The following UBE2G1 variants were observed in gnomAD, a reference collection of about 807,000 sequenced individuals.
UBE2G1 encodes the protein ubiquitin conjugating enzyme E2 G1, also known as ubiquitin-conjugating enzyme E2 G1.
In UBE2G1, 5 loss-of-function variants were observed where a neutral mutation model predicts 22.7. The ratio of observed to expected loss-of-function variants is 0.22; its 90% CI spans 0.12 to 0.46. The LOEUF (loss-of-function observed/expected upper bound fraction) is 0.46. Ranked by LOEUF, UBE2G1 falls within the 20% of genes least tolerant of loss-of-function variation. UBE2G1 has a pLI of 0.99. For missense variants in UBE2G1, 88 were observed against 203.9 expected, an observed-to-expected ratio of 0.43 and a Z score of 3.46; for synonymous variants, 74 against 67.5, an observed-to-expected ratio of 1.10 and a Z score of -0.47.
chr17:4,320,408 A>G (rs142120402), intron 1 of UBE2G1, among the ~76,000 whole-genome samples: 5 of 152,296 alleles, frequency 3.3e-5, no homozygotes, highest in African/African-American at 1.2e-4. Flanking sequence ...CTATAGGTCA[A>G]TAATTTCTTC....
chr17:4,345,654 C>G (rs959223934), intron 1 of UBE2G1: 1 of 152,162 alleles, frequency 6.6e-6, no homozygotes, highest in Non-Finnish European at 1.5e-5. Context: ...GTCATAGTAA[C>G]GAGAGATATC....
chr17:4,301,663 T>C, intron 2 of UBE2G1: 1 of 775,896 alleles, frequency 1.3e-6, no homozygotes, highest in South Asian at 1.3e-5. Flanking sequence ...ACTGGACAGG[T>C]TGTTTTGTTC....
chr17:4,276,979 A>G (rs1358164301), intron 5 of UBE2G1, among the ~76,000 whole-genome samples: 1 of 152,178 alleles, frequency 6.6e-6, no homozygotes, highest in Non-Finnish European at 1.5e-5. Context: ...AATGCAGGTA[A>G]GCACCAGCGA....
intron 2 of UBE2G1, among the ~76,000 whole-genome samples, chr17:4,304,207 G>A (rs1404198479): frequency 1.3e-5 from 2 of 151,928 alleles, no homozygotes; most frequent in South Asian, 2.1e-4. Context: ...CCATGTAGCC[G>A]AAGCTGGTCT....
At chr17:4,306,890 T>C (rs1245108288) in intron 2 of UBE2G1, 131 bp downstream of exon 2, 4 of 646,228 alleles carry the variant, frequency 6.2e-6, no homozygotes, top group Non-Finnish European at 1.0e-5. Context: ...GACCTCATGA[T>C]CGGCCCGCCT....
At chr17:4,309,949 G>A (rs1969290138) in intron 1 of UBE2G1, among the ~76,000 whole-genome samples, 1 of 152,124 alleles carries the variant, frequency 6.6e-6, no homozygotes, top group African/African-American at 2.4e-5. Context: ...TTCTTTCCAT[G>A]CATTTCTTCT....
At chr17:4,293,937 T>A (rs1000339840) in intron 3 of UBE2G1, among the ~76,000 whole-genome samples, 1 of 152,214 alleles carries the variant, frequency 6.6e-6, no homozygotes, top group Non-Finnish European at 1.5e-5. Flanking sequence ...TGACTTCCCC[T>A]TCCAATCTTC....
intron 3 of UBE2G1, among the ~76,000 whole-genome samples, chr17:4,289,829 C>A (rs545236667): frequency 6.6e-6 from 1 of 152,198 alleles, no homozygotes; most frequent in East Asian, 1.9e-4. Context: ...ACTAACTTAC[C>A]GACTTAAATT....
chr17:4,312,981 G>A (rs527527681), intron 1 of UBE2G1, among the ~76,000 whole-genome samples: 9 of 152,240 alleles, frequency 5.9e-5, no homozygotes, highest in East Asian at 3.9e-4. Context: ...AAAGTTTGAC[G>A]GTAGATGGAA....
intron 3 of UBE2G1, among the ~76,000 whole-genome samples, chr17:4,291,078 G>A (rs1454987322): frequency 6.6e-6 from 1 of 152,136 alleles, no homozygotes; most frequent in African/African-American, 2.4e-5. Context: ...ATAACACCGA[G>A]GGCCGGGCGT....
chr17:4,360,161 GA>G (rs1468908191), intron 1 of UBE2G1, among the ~76,000 whole-genome samples: 1 of 151,936 alleles, frequency 6.6e-6, no homozygotes. Flanking sequence ...TTCCTTCTCT[GA>G]AAAGTTATTT....
intron 3 of UBE2G1, 106 bp downstream of exon 3, chr17:4,296,611 T>C (rs1969115762): frequency 8.5e-7 from 1 of 1,179,574 alleles, no homozygotes; most frequent in Non-Finnish European, 1.3e-6. Flanking sequence ...AGTACAAAAA[T>C]GCCAAAGCAA....
At chr17:4,346,801 A>G (rs1202024901) in intron 1 of UBE2G1, among the ~76,000 whole-genome samples, 3 of 152,100 alleles carry the variant, frequency 2.0e-5, no homozygotes, top group Non-Finnish European at 4.4e-5. Context: ...TGATTCATTC[A>G]AAATATATTT....
At chr17:4,298,822 G>C (rs1328779103) in intron 2 of UBE2G1, among the ~76,000 whole-genome samples, 2 of 152,184 alleles carry the variant, frequency 1.3e-5, no homozygotes, top group African/African-American at 4.8e-5. Flanking sequence ...AAGAAATGTA[G>C]AAATGAAGTA....
rs149453962 is a variant in UBE2G1, at chr17:4,344,439, C to A, written c.46+21832G>T. Among the ~76,000 whole-genome samples the A allele has an allele frequency of 3.0e-3, 451 of 151,904 alleles. 1 individual carries two copies. Among genetic ancestry groups the A allele is most frequent in the African/African-American group, 0.01 (423 of 41,410 alleles). On this transcript the variant is annotated intron_variant, in intron 1 of 5. Transcript: ENST00000396981. ...CCTGTAGTGCCAGCTACTCGGGAGG[C>A]TGAGGCAGGAGAATCTCTTGAACCC...
chr17:4,307,977 CTGATGGTGAGCAGATCATGTGA>C (rs1969266613), intron 1 of UBE2G1, among the ~76,000 whole-genome samples: 1 of 152,162 alleles, frequency 6.6e-6, no homozygotes, highest in South Asian at 2.1e-4. Context: ...TACTGGCCTC[CTGATGGTGAGCAGATCATGTGA>C]GAAATTTTTA....
At chr17:4,311,873 A>T (rs1969314133) in intron 1 of UBE2G1, among the ~76,000 whole-genome samples, 1 of 152,190 alleles carries the variant, frequency 6.6e-6, no homozygotes. Context: ...ACATAGGAGG[A>T]GGTTTGTCAA....
chr17:4,365,458 G>T (rs1970021928), intron 1 of UBE2G1, among the ~76,000 whole-genome samples: 2 of 152,220 alleles, frequency 1.3e-5, no homozygotes, highest in Admixed American at 1.3e-4. Context: ...GAGGGGGGCC[G>T]CAGGCTCCTC....
chr17:4,324,144 T>G (rs960435017), intron 1 of UBE2G1, among the ~76,000 whole-genome samples: 11 of 152,232 alleles, frequency 7.2e-5, no homozygotes, highest in African/African-American at 2.7e-4. Context: ...TATCTTCTTA[T>G]TTGATGCAAA....
Sources: allele counts gnomAD v4.1 joint callset (sites outside exome capture counted in the v4.1 genomes callset), GRCh38; gene constraint gnomAD v4.1.1; transcripts MANE v1.5; gene names NCBI Gene and HGNC (gene_info 2026-07-23, HGNC 2026-07-21).